Variants in XXYLT1 observed in about 807,000 individuals in gnomAD.
XXYLT1 encodes xyloside xylosyltransferase 1.
XXYLT1 carries 20 observed loss-of-function variants against 28.9 expected under a neutral mutation model. That is an observed-to-expected ratio of 0.69 (90% confidence interval 0.49 to 1.00). XXYLT1 has a LOEUF of 1.00. Among genes scored for constraint, XXYLT1 ranks in the 50% least tolerant of loss-of-function variants. The pLI is 0.00. For missense variants in XXYLT1, 542 were observed against 560.1 expected (o/e 0.97, Z 0.33); for synonymous variants, 257 against 253.8 (o/e 1.01, Z -0.12).
intron 3 of XXYLT1, chr3:195,095,912 G>A (rs1163924912): frequency 2.0e-5 from 3 of 152,198 alleles, no homozygotes; most frequent in Non-Finnish European, 4.4e-5. Context: ...TCCCTGCCCT[G>A]TTTCCAGCCC....
At chr3:195,260,376 C>A (rs765657509) in intron 1 of XXYLT1, among the ~76,000 whole-genome samples, 1 of 152,186 alleles carries the variant, frequency 6.6e-6, no homozygotes, top group Non-Finnish European at 1.5e-5. Context: ...GCCCGCAGCG[C>A]ACATCCCGGA....
At chr3:195,144,502 G>A (rs377355717) in intron 3 of XXYLT1, among the ~76,000 whole-genome samples, 3 of 151,734 alleles carry the variant, frequency 2.0e-5, no homozygotes, top group South Asian at 2.1e-4. Flanking sequence ...TCAGCCTCCC[G>A]AGTAGCTGGG....
intron 2 of XXYLT1, among the ~76,000 whole-genome samples, chr3:195,219,617 G>C (rs1033037277): frequency 6.6e-6 from 1 of 152,194 alleles, no homozygotes; most frequent in Admixed American, 6.5e-5. Flanking sequence ...ATGCAGGCCT[G>C]TGAACCTAGG....
At chr3:195,188,621 C>T (rs558934490) in intron 2 of XXYLT1, among the ~76,000 whole-genome samples, 5 of 152,288 alleles carry the variant, frequency 3.3e-5, no homozygotes, top group African/African-American at 9.6e-5. Flanking sequence ...GGTGCACTCT[C>T]GAATTGTCTC....
At chr3:195,134,206 T>C (rs1256606375) in intron 3 of XXYLT1, among the ~76,000 whole-genome samples, 5 of 152,254 alleles carry the variant, frequency 3.3e-5, no homozygotes, top group African/African-American at 1.2e-4. Flanking sequence ...GGTTAATTTA[T>C]TTTTGAAGAA....
intron 3 of XXYLT1, among the ~76,000 whole-genome samples, chr3:195,125,173 G>A (rs934710979): frequency 2.0e-5 from 3 of 152,258 alleles, no homozygotes; most frequent in African/African-American, 7.2e-5. Flanking sequence ...AGACAGTGAC[G>A]TCAGAGACAC....
At chr3:195,111,413 G>C (rs1717706196) in intron 3 of XXYLT1, among the ~76,000 whole-genome samples, 1 of 152,146 alleles carries the variant, frequency 6.6e-6, no homozygotes, top group Non-Finnish European at 1.5e-5. Flanking sequence ...ATCCATAGCA[G>C]AGAGGGGAGA....
At chr3:195,205,266 A>C (rs6437464) in intron 2 of XXYLT1, among the ~76,000 whole-genome samples, 14,557 of 152,270 alleles carry the variant, frequency 0.096, 2,300 homozygotes, top group African/African-American at 0.33. Context: ...GGGGACAACC[A>C]AGCTGTCCTT....
intron 3 of XXYLT1, among the ~76,000 whole-genome samples, chr3:195,072,927 G>A (rs1190895676): frequency 3.9e-5 from 6 of 152,182 alleles, no homozygotes; most frequent in African/African-American, 1.2e-4. Flanking sequence ...GAGCTCGTGC[G>A]AGGAACTTCT....
intron 2 of XXYLT1, among the ~76,000 whole-genome samples, chr3:195,200,618 T>G (rs1299412461): frequency 1.3e-5 from 2 of 152,214 alleles, no homozygotes; most frequent in Non-Finnish European, 2.9e-5. Flanking sequence ...TTGACTCACA[T>G]GAACACCCTC....
rs372316229 is a variant in XXYLT1 at position 195,133,592 on chromosome 3, C to T, written c.785+22857G>A. Among the ~76,000 whole-genome samples the T allele has an allele frequency of 3.9e-5, 6 of 152,194 alleles. No homozygotes were observed. Among genetic ancestry groups the T allele is most frequent in the East Asian group, 1.9e-4 (1 of 5,194 alleles). The stretch of plus-strand genomic sequence containing the variant: ...TTTCATATTTGAGTCACCTCTGCTA[C>T]GCCTAACAAGCAGAGGCGGACGAGC... On this transcript the variant is annotated intron_variant, in intron 3 of 3. Transcript: ENST00000310380. The surrounding 1 kb of genome is among the most constrained non-coding windows in gnomAD (Gnocchi z 4.4).
chr3:195,181,562 G>A (rs1721955804), intron 2 of XXYLT1, among the ~76,000 whole-genome samples: 1 of 152,164 alleles, frequency 6.6e-6, no homozygotes, highest in Non-Finnish European at 1.5e-5. Flanking sequence ...AGGTACTGTT[G>A]GAAGCTGTTC....
chr3:195,179,492 G>A (rs560047556), intron 2 of XXYLT1, among the ~76,000 whole-genome samples: 15 of 152,152 alleles, frequency 9.9e-5, no homozygotes, highest in Non-Finnish European at 1.8e-4. Flanking sequence ...GGATATGGAA[G>A]CTCAAGAACT....
rs543572054 is a variant in XXYLT1, at chr3:195,256,380, T to A, written c.504+14175A>T. On this transcript the variant is annotated intron_variant, in intron 1 of 3. Coordinates refer to ENST00000310380, the MANE Select transcript of XXYLT1 (RefSeq NM_152531.5). This position sits in a 1 kb window ranked among gnomAD's most constrained non-coding sequence, Gnocchi z 4.2. The stretch of plus-strand genomic sequence containing the variant: ...GACGATAAACCTGAGACAGCTCTGG[T>A]CATTCCAAGTCCCTCGCCCTCATGC... 3.8e-5 allele frequency: 23 copies of A among 611,462 alleles called. No homozygotes were observed. The highest frequency in any genetic ancestry group is 4.5e-5 in the Non-Finnish European group (22 of 488,814). 37.9% of individuals were successfully genotyped at this position (611,462 alleles called of 1,614,324 possible). A position where few individuals can be genotyped will look rare whatever the true frequency, so the allele number is the denominator to read the frequency against.
chr3:195,194,411 C>G (rs1330240284), intron 2 of XXYLT1, among the ~76,000 whole-genome samples: 6 of 152,038 alleles, frequency 3.9e-5, no homozygotes, highest in African/African-American at 1.5e-4. Context: ...AGAAGACTGA[C>G]AATAGCAAAT....
chr3:195,162,725 C>A (rs909878299), intron 2 of XXYLT1, among the ~76,000 whole-genome samples: 3 of 152,194 alleles, frequency 2.0e-5, no homozygotes, highest in African/African-American at 7.2e-5. Flanking sequence ...AAATCATATC[C>A]TTTAGGATAG....
At chr3:195,096,478 G>A (rs866333170) in intron 3 of XXYLT1, among the ~76,000 whole-genome samples, 7 of 152,122 alleles carry the variant, frequency 4.6e-5, no homozygotes, top group African/African-American at 9.7e-5. Flanking sequence ...ACACGTGTAC[G>A]TAACAGACGC....
intron 3 of XXYLT1, among the ~76,000 whole-genome samples, chr3:195,079,654 G>A (rs2108645698): frequency 6.6e-6 from 1 of 152,296 alleles, no homozygotes; most frequent in Non-Finnish European, 1.5e-5. Flanking sequence ...TTGCCAGGCA[G>A]AAGAGCTGTC....
chr3:195,127,563 C>T (rs1228440376), intron 3 of XXYLT1, among the ~76,000 whole-genome samples: 1 of 152,096 alleles, frequency 6.6e-6, no homozygotes, highest in Non-Finnish European at 1.5e-5. Flanking sequence ...ATTACTTGAG[C>T]CCAGGAGTTC....
Sources: allele counts gnomAD v4.1 joint callset (sites outside exome capture counted in the v4.1 genomes callset), GRCh38; gene constraint gnomAD v4.1.1; non-coding constraint Gnocchi (gnomAD v3.1); transcripts MANE v1.5; gene names NCBI Gene and HGNC (gene_info 2026-07-23, HGNC 2026-07-21).